Variants in INSIG1 observed in about 807,000 individuals in gnomAD.
INSIG1 encodes the protein insulin-induced gene 1 protein.
Under a neutral mutation model 26.5 loss-of-function variants are expected in INSIG1, and 14 were observed. That is an observed-to-expected ratio of 0.53 (90% CI 0.35 to 0.83). The LOEUF (loss-of-function observed/expected upper bound fraction) is 0.83. Ranked by LOEUF, INSIG1 falls within the 40% of genes least tolerant of loss-of-function variation. INSIG1 has a pLI of 0.01. For missense variants in INSIG1, 272 were observed against 368.9 expected (o/e 0.74, Z 2.15); for synonymous variants, 147 against 153.3 (o/e 0.96, Z 0.30).
At chr7:155,298,206 C>T in intron 1 of INSIG1, 53 bp from the exon 2 acceptor site, 1 of 1,325,938 alleles carries the variant, frequency 7.5e-7, no homozygotes, top group East Asian at 3.1e-5. Context: ...TCCCGCGGGG[C>T]CTTCCTCGCT....
intron 5 of INSIG1, among the ~76,000 whole-genome samples, chr7:155,306,653 T>C (rs184344075): frequency 2.6e-3 from 390 of 152,366 alleles, no homozygotes; most frequent in African/African-American, 8.9e-3. Context: ...TTAGTCCTCA[T>C]AACACAAGTC....
At chr7:155,306,959 G>C (rs1015571995) in intron 5 of INSIG1, among the ~76,000 whole-genome samples, 2 of 152,232 alleles carry the variant, frequency 1.3e-5, no homozygotes, top group African/African-American at 4.8e-5. Context: ...TTCGTCTCTG[G>C]CGTCTTTGCC....
At chr7:155,299,209 G>A (rs1057420987) in intron 2 of INSIG1, among the ~76,000 whole-genome samples, 2 of 152,224 alleles carry the variant, frequency 1.3e-5, no homozygotes, top group African/African-American at 4.8e-5. Flanking sequence ...GGGTCGCTGA[G>A]TAAACTGTGG....
intron 5 of INSIG1, among the ~76,000 whole-genome samples, chr7:155,304,339 G>A (rs1014456022): frequency 3.3e-5 from 5 of 152,140 alleles, no homozygotes; most frequent in Admixed American, 6.5e-5. Context: ...CATCATCCCC[G>A]TTAATAGTCT....
intron 1 of INSIG1, 116 bp from the exon 2 acceptor site, chr7:155,298,143 G>A (rs1797670823): frequency 8.2e-6 from 7 of 852,604 alleles, no homozygotes; most frequent in Non-Finnish European, 1.1e-5. Context: ...GGCGCACGGG[G>A]GTCTAACCTT....
chr7:155,301,925 T>G (rs1797796762), intron 3 of INSIG1, among the ~76,000 whole-genome samples: 1 of 89,908 alleles, frequency 1.1e-5, no homozygotes, highest in Non-Finnish European at 2.2e-5. Context: ...TTTATATATA[T>G]TATATATATT....
At chr7:155,304,356 G>C (rs1797878383) in intron 5 of INSIG1, among the ~76,000 whole-genome samples, 1 of 152,226 alleles carries the variant, frequency 6.6e-6, no homozygotes, top group Non-Finnish European at 1.5e-5. Flanking sequence ...GTCTTCAAAG[G>C]AGAGCTGGCA....
chr7:155,303,814 A>T, intron 5 of INSIG1: 1 of 1,355,988 alleles, frequency 7.4e-7, no homozygotes, highest in South Asian at 1.2e-5. Flanking sequence ...CAGTACATTT[A>T]TTTTTGCCAG....
chr7:155,304,414 T>C (rs1258509583), intron 5 of INSIG1, among the ~76,000 whole-genome samples: 3 of 152,260 alleles, frequency 2.0e-5, no homozygotes, highest in Admixed American at 6.5e-5. Context: ...CGGTACTCTT[T>C]GGGAGAGAAT....
At position 155,298,363 on chromosome 7, in the gene INSIG1, C is replaced by T; in HGVS notation, c.78C>T (p.Ser26=). 1 of 1,518,240 alleles carries T rather than the reference C, an allele frequency of 6.6e-7. No homozygotes were observed. 94.0% of individuals were successfully genotyped at this position (1,518,240 alleles called of 1,614,324 possible). Residue 26 remains serine, a synonymous_variant, in exon 2 of 6, where the codon AGC becomes AGT. Coordinates refer to ENST00000340368, the MANE Select transcript of INSIG1 (RefSeq NM_005542.6). ...SARRRGPPRA[S]AAGLAAKVGE... is the part of the protein sequence containing the mutation. ...GGCGCCGAGGCCCCCCGCGAGCCAGCGCCGCGGGGCTGGCGGCCAAGGTTG... is the reference window on the plus strand; with the variant it reads ...GGCGCCGAGGCCCCCCGCGAGCCAGTGCCGCGGGGCTGGCGGCCAAGGTTG...
Position 155,308,270 on chromosome 7 carries a change from A to G in INSIG1, c.834A>G (p.Ter278TrpextTer22), listed in dbSNP as rs765060506. ...TTCCTGAAAAGCCCCATAGTGATTG[A>G]GTCTTCAAAACCACCGATTCTGAGA... ...MGVPEKPHSD[*>W] Residue 278 changes from the stop codon to tryptophan, a stop_lost, in exon 6 of 6, where the codon TGA (stop) becomes TGG (tryptophan). Coordinates refer to ENST00000340368, the MANE Select transcript of INSIG1 (RefSeq NM_005542.6). 1 of 1,610,732 alleles carries G rather than the reference A, an allele frequency of 6.2e-7. No homozygotes were observed.
At chr7:155,304,957 G>A (rs1181322646) in intron 5 of INSIG1, among the ~76,000 whole-genome samples, 1 of 133,430 alleles carries the variant, frequency 7.5e-6, no homozygotes, top group Non-Finnish European at 1.6e-5. Flanking sequence ...CTAACACAGT[G>A]AAACCCCGTC....
At chr7:155,298,202 G>T in intron 1 of INSIG1, 57 bp from the exon 2 acceptor site, 1 of 1,315,970 alleles carries the variant, frequency 7.6e-7, no homozygotes, top group Non-Finnish European at 9.8e-7. Context: ...CGCGTCCCGC[G>T]GGGCCTTCCT....
rs541884138 is a variant in INSIG1 at position 155,300,125 on chromosome 7, A to T, written c.412+1428A>T. On this transcript the variant is annotated intron_variant, in intron 2 of 5. Transcript: ENST00000340368. The stretch of plus-strand genomic sequence containing the variant: ...GAACTATATCTAGATTTAAAATTCC[A>T]TGTTTCATATACATTTGGCAGAATA... 4.6e-5 allele frequency among the ~76,000 whole-genome samples: 7 copies of T among 152,272 alleles called. No homozygotes were observed. In the East Asian group the frequency reaches 9.7e-4, roughly 21 times the overall value.
At position 155,308,891 on chromosome 7, in the gene INSIG1, A is replaced by C. The variant is rs957199994; in HGVS notation, c.*621A>C. 1 of 152,724 alleles carries C rather than the reference A, an allele frequency of 6.5e-6. No individual in the cohort carries two copies. The highest frequency in any genetic ancestry group is 6.5e-5 in the Admixed American group (1 of 15,286). 9.5% of individuals were successfully genotyped at this position (152,724 alleles called of 1,614,324 possible). ...ACGTGTGTGTATCACCAGTGGGTCAACTGCTTGTCATTCCTCCCGTGGCAG... is the reference window on the plus strand; with the variant it reads ...ACGTGTGTGTATCACCAGTGGGTCACCTGCTTGTCATTCCTCCCGTGGCAG... On this transcript the variant is annotated 3_prime_UTR_variant, in exon 6 of 6. Transcript: ENST00000340368.
chr7:155,298,749 G>GA, intron 2 of INSIG1, 52 bp downstream of exon 2: 2 of 1,526,598 alleles, frequency 1.3e-6, no homozygotes, highest in Non-Finnish European at 1.8e-6. Context: ...CTTTTCGGTT[G>GA]AAAGTACTTT....
chr7:155,298,274 C>A lies in INSIG1; in HGVS notation c.-12C>A. The A allele has an allele frequency of 6.8e-7, 1 of 1,470,660 alleles. No homozygotes were observed. Among genetic ancestry groups the A allele is most frequent in the Non-Finnish European group, 9.0e-7 (1 of 1,115,078 alleles). 91.1% of individuals were successfully genotyped at this position (1,470,660 alleles called of 1,614,324 possible). On this transcript the variant is annotated 5_prime_UTR_variant, in exon 2 of 6. Coordinates refer to ENST00000340368, the MANE Select transcript of INSIG1 (RefSeq NM_005542.6). ...CTTCTTCCAGGAAGCGCCTCTTGGA[C>A]GCGTGTGACCGATGCCCAGATTGCA...
chr7:155,305,884 C>G (rs1338619722), intron 5 of INSIG1, among the ~76,000 whole-genome samples: 1 of 152,212 alleles, frequency 6.6e-6, no homozygotes, highest in South Asian at 2.1e-4. Context: ...GGTCTCCTAG[C>G]TTTTTCTATG....
rs542985237 is a variant in INSIG1 at position 155,302,195 on chromosome 7, C to T, written c.538-56C>T. ...CATGTTTTTAACCCTTGTGGTTTTACGTTTTTTTATCTTAATAAGAGTCAG... is the reference window on the plus strand; with the variant it reads ...CATGTTTTTAACCCTTGTGGTTTTATGTTTTTTTATCTTAATAAGAGTCAG... On this transcript the variant is annotated intron_variant, in intron 3 of 5. Transcript: ENST00000340368. This position sits in a 1 kb window ranked among gnomAD's most constrained non-coding sequence, Gnocchi z 4.3. 2.7e-5 allele frequency: 38 copies of T among 1,409,972 alleles called. No individual in the cohort carries two copies. In the East Asian group the frequency reaches 4.9e-4, roughly 18 times the overall value. 87.3% of individuals were successfully genotyped at this position (1,409,972 alleles called of 1,614,324 possible).
Sources: allele counts gnomAD v4.1 joint callset (sites outside exome capture counted in the v4.1 genomes callset), GRCh38; gene constraint gnomAD v4.1.1; non-coding constraint Gnocchi (gnomAD v3.1); transcripts MANE v1.5; gene names NCBI Gene and HGNC (gene_info 2026-07-23, HGNC 2026-07-21).